The following CCDC171 variants were observed in gnomAD, a reference collection of about 807,000 sequenced individuals.
The protein encoded by CCDC171 is coiled-coil domain-containing protein 171.
A neutral mutation model predicts 168.2 loss-of-function variants in CCDC171; 177 were observed. The observed-to-expected ratio is 1.05, with a 90% CI of 0.93 to 1.19. The LOEUF is 1.19. CCDC171 is among the 50% of genes most tolerant of loss of function. CCDC171 has a pLI of 0.00. For missense variants in CCDC171, 1,991 were observed against 1,539.0 expected, an observed-to-expected ratio of 1.29 and a Z score of -4.91; for synonymous variants, 687 against 540.8, an observed-to-expected ratio of 1.27 and a Z score of -3.75.
chr9:15,796,018 A>T (rs377114256), intron 21 of CCDC171, among the ~76,000 whole-genome samples: 1 of 152,384 alleles, frequency 6.6e-6, no homozygotes, highest in East Asian at 1.9e-4. Flanking sequence ...TTGATAATAG[A>T]ATTCAATATT....
intron 16 of CCDC171, among the ~76,000 whole-genome samples, chr9:15,739,740 A>AT (rs3082820): frequency 0.12 from 17,680 of 146,084 alleles, 1,135 homozygotes; most frequent in Non-Finnish European, 0.16. Context: ...TGTAATACCA[A>AT]TTTTTTTTTT....
intron 24 of CCDC171, among the ~76,000 whole-genome samples, chr9:15,917,450 A>G (rs951696085): frequency 4.0e-5 from 6 of 149,994 alleles, no homozygotes; most frequent in Non-Finnish European, 6.0e-5. Context: ...AAGATTTGAA[A>G]TCCTAAGAAA....
chr9:15,679,697 G>T (rs2049907613), intron 10 of CCDC171, among the ~76,000 whole-genome samples: 1 of 152,020 alleles, frequency 6.6e-6, no homozygotes. Context: ...CTGCAGATGT[G>T]CCACCTTGCT....
intron 25 of CCDC171, among the ~76,000 whole-genome samples, chr9:15,957,768 G>A (rs1409649846): frequency 6.6e-6 from 1 of 152,180 alleles, no homozygotes; most frequent in Non-Finnish European, 1.5e-5. Context: ...AAGCTTTAGG[G>A]AGCTAGGACT....
chr9:15,917,707 G>T (rs1824713251), intron 24 of CCDC171, among the ~76,000 whole-genome samples: 1 of 151,488 alleles, frequency 6.6e-6, no homozygotes, highest in Non-Finnish European at 1.5e-5. Context: ...TTTCTCCAAG[G>T]TTAGAAAATG....
At chr9:15,629,932 T>TC (rs2045533089) in intron 7 of CCDC171, among the ~76,000 whole-genome samples, 1 of 152,176 alleles carries the variant, frequency 6.6e-6, no homozygotes, top group South Asian at 2.1e-4. Flanking sequence ...AAACTAAGCT[T>TC]CATAAGTGAA....
chr9:15,684,158 T>A (rs931572103), intron 10 of CCDC171, among the ~76,000 whole-genome samples: 2 of 152,140 alleles, frequency 1.3e-5, no homozygotes, highest in African/African-American at 2.4e-5. Flanking sequence ...AGGGTAAAAG[T>A]ATGTAATGAA....
intron 10 of CCDC171, among the ~76,000 whole-genome samples, chr9:15,694,104 G>T (rs2051029896): frequency 6.6e-6 from 1 of 152,148 alleles, no homozygotes. Flanking sequence ...TTCTTGAAAT[G>T]TTCCCACATC....
At chr9:15,785,448 T>G (rs2057894408) in intron 21 of CCDC171, among the ~76,000 whole-genome samples, 2 of 152,116 alleles carry the variant, frequency 1.3e-5, no homozygotes, top group South Asian at 4.1e-4. Context: ...CTATTTATTC[T>G]GATATCTTAA....
At position 15,923,435 on chromosome 9, in the gene CCDC171, A is replaced by G. The variant is rs1214827017; in HGVS notation, c.3753+3013A>G. Among the ~76,000 whole-genome samples the G allele has an allele frequency of 2.0e-5, 3 of 151,402 alleles. No homozygotes were observed. The East Asian group carries it at 5.8e-4, about 29-fold the overall frequency. ...CAAACACTGCATCTCACTCATATGT[A>G]GAATCTAAACAAGTAACCTCATAGT... On this transcript the variant is annotated intron_variant, in intron 25 of 25. Transcript: ENST00000380701.
At chr9:15,676,154 C>G (rs1052355580) in intron 9 of CCDC171, among the ~76,000 whole-genome samples, 8 of 152,200 alleles carry the variant, frequency 5.3e-5, no homozygotes, top group Admixed American at 4.6e-4. Flanking sequence ...CTTTCTTCCA[C>G]TTGATCGAAT....
At chr9:15,599,905 C>A (rs2042696255) in intron 6 of CCDC171, among the ~76,000 whole-genome samples, 1 of 152,138 alleles carries the variant, frequency 6.6e-6, no homozygotes, top group African/African-American at 2.4e-5. Context: ...ATTTGATCTT[C>A]CATCACTGAT....
intron 22 of CCDC171, among the ~76,000 whole-genome samples, chr9:15,847,463 C>A (rs535868481): frequency 2.8e-4 from 43 of 152,060 alleles, no homozygotes; most frequent in African/African-American, 9.9e-4. Flanking sequence ...ACCAGGTAAT[C>A]AAGTTGACAT....
chr9:15,934,999 TA>T (rs1221391101), intron 25 of CCDC171, among the ~76,000 whole-genome samples: 3 of 151,998 alleles, frequency 2.0e-5, no homozygotes, highest in Non-Finnish European at 4.4e-5. Context: ...TGACAGAGGC[TA>T]GGGGGAGGAG....
chr9:15,787,913 C>T (rs541406085), intron 21 of CCDC171, among the ~76,000 whole-genome samples: 1 of 152,176 alleles, frequency 6.6e-6, no homozygotes, highest in South Asian at 2.1e-4. Flanking sequence ...TGATTCATGT[C>T]CTATTAATAG....
chr9:16,087,948 G>C, the CCDC171 span, among the ~76,000 whole-genome samples: 1 of 152,010 alleles, frequency 6.6e-6, no homozygotes, highest in Non-Finnish European at 1.5e-5. Context: ...CTTTGCTTAT[G>C]AAGCTTAGTT....
At chr9:15,594,296 C>G in intron 6 of CCDC171, 124 bp downstream of exon 6, 1 of 599,474 alleles carries the variant, frequency 1.7e-6, no homozygotes, top group Non-Finnish European at 2.8e-6. Flanking sequence ...TTCTGGAAGG[C>G]CACATTTCAT....
the CCDC171 span, among the ~76,000 whole-genome samples, chr9:16,102,138 G>A: frequency 6.6e-6 from 1 of 152,198 alleles, no homozygotes; most frequent in African/African-American, 2.4e-5. Flanking sequence ...GACTGAAGAT[G>A]AAGAACAGTA....
rs964384898 is a variant in CCDC171, at chr9:15,874,779, A to G, written c.3600+116A>G. 8 of 1,032,786 alleles carry G rather than the reference A, an allele frequency of 7.7e-6. 1 individual carries two copies. In the South Asian group the frequency reaches 2.0e-4, roughly 26 times the overall value. The allele number at this position is 1,032,786 out of a possible 1,614,324, so 64.0% of individuals were successfully genotyped here. ...AATAATTTAAAGGAGATGCAAATAG[A>G]TGTTTCTTCATTTTTCTTCTATCAT... On this transcript the variant is annotated intron_variant, in intron 24 of 25. Coordinates refer to ENST00000380701, the MANE Select transcript of CCDC171 (RefSeq NM_173550.4).
Sources: gnomAD v4.1 joint callset for allele counts (sites outside exome capture counted in the v4.1 genomes callset) on GRCh38, gnomAD v4.1.1 for gene constraint, MANE v1.5 for transcripts, NCBI Gene and HGNC (gene_info 2026-07-23, HGNC 2026-07-21) for gene names.